LGR5: variants seen among roughly 807,000 people sequenced by gnomAD.
LGR5 encodes leucine-rich repeat-containing G protein-coupled receptor 5.
In LGR5, 54 loss-of-function variants were observed where a neutral mutation model predicts 76.7. That is an observed-to-expected ratio of 0.70 (90% CI 0.57 to 0.88). The LOEUF is 0.88. LGR5 is among the 40% of genes least tolerant of loss of function. The pLI, the probability that LGR5 is intolerant of heterozygous loss-of-function variation, is 0.00. For missense variants in LGR5, 1,078 were observed against 1,073.3 expected, an observed-to-expected ratio of 1.00 and a Z score of -0.06; for synonymous variants, 406 against 421.9, an observed-to-expected ratio of 0.96 and a Z score of 0.46.
At chr12:71,499,343 C>T (rs910581970) in intron 1 of LGR5, among the ~76,000 whole-genome samples, 9 of 151,964 alleles carry the variant, frequency 5.9e-5, no homozygotes, top group African/African-American at 1.5e-4. Context: ...TGAACTAGAT[C>T]TTGAATGGCC....
chr12:71,525,498 T>C (rs890949694), intron 3 of LGR5, among the ~76,000 whole-genome samples: 1 of 151,778 alleles, frequency 6.6e-6, no homozygotes, highest in Admixed American at 6.6e-5. Context: ...TTCAGAGTTG[T>C]AGCACCAGCT....
At chr12:71,529,759 C>T (rs181463025) in intron 3 of LGR5, among the ~76,000 whole-genome samples, 21 of 152,106 alleles carry the variant, frequency 1.4e-4, no homozygotes, top group Admixed American at 9.8e-4. Context: ...AGTTTAAGAC[C>T]AACCTGGCCA....
intron 5 of LGR5, among the ~76,000 whole-genome samples, chr12:71,555,139 C>G (rs548451559): frequency 2.4e-4 from 36 of 152,074 alleles, no homozygotes; most frequent in Middle Eastern, 3.4e-3. Context: ...TTACATAAAT[C>G]TCACCTAAAA....
chr12:71,576,002 A>T lies in LGR5; in HGVS notation c.1209-1923A>T, dbSNP rs192754406. On this transcript the variant is annotated intron_variant, in intron 13 of 17. Coordinates refer to ENST00000266674, the MANE Select transcript of LGR5 (RefSeq NM_003667.4). ...CTAACACAGGAACAGAAAACCAAAC[A>T]CTGCATGTTCTCACTTATAAGTGGG... Among the ~76,000 whole-genome samples the T allele has an allele frequency of 1.0e-3, 154 of 152,304 alleles. 6 individuals carry two copies. Among genetic ancestry groups the T allele is most frequent in the Non-Finnish European group, 6.3e-4 (43 of 68,028 alleles).
In LGR5 at chr12:71,470,880, A is replaced by T. The variant is rs11178815; in HGVS notation, c.212+30588A>T. Among the ~76,000 whole-genome samples, 5 of 152,004 alleles carry T rather than the reference A, an allele frequency of 3.3e-5. No homozygotes were observed. The South Asian group carries it at 1.0e-3, about 32-fold the overall frequency. ...AGATTAGGCACTAGGCCACCCCTCA[A>T]TGGAGCTTTTCTGCCCCATCTTACC... On this transcript the variant is annotated intron_variant, in intron 1 of 17. Coordinates refer to ENST00000266674, the MANE Select transcript of LGR5 (RefSeq NM_003667.4).
intron 16 of LGR5, chr12:71,582,201 G>A: frequency 2.5e-6 from 1 of 399,770 alleles, no homozygotes; most frequent in Non-Finnish European, 4.6e-6. Flanking sequence ...GGGAACACGA[G>A]CAGAATGAGA....
chr12:71,521,555 G>A (rs1666444768), intron 2 of LGR5, among the ~76,000 whole-genome samples: 1 of 152,188 alleles, frequency 6.6e-6, no homozygotes, highest in Admixed American at 6.5e-5. Context: ...GGTGATACAG[G>A]TGTTTCACAT....
At chr12:71,540,354 G>A (rs1295116682) in intron 4 of LGR5, among the ~76,000 whole-genome samples, 1 of 152,166 alleles carries the variant, frequency 6.6e-6, no homozygotes, top group African/African-American at 2.4e-5. Flanking sequence ...AATCGCAAAG[G>A]TAATAGGTTG....
rs575065356 is a variant in LGR5 at position 71,495,705 on chromosome 12, C to CTCA, written c.213-8909_213-8908insTCA. The stretch of plus-strand genomic sequence containing the variant: ...TTACTCAACTCTGAAATATCAAGGC[C>CTCA]AGGACTCAAACTAAGACAAAATATC... On this transcript the variant is annotated intron_variant, in intron 1 of 17. Coordinates refer to ENST00000266674, the MANE Select transcript of LGR5 (RefSeq NM_003667.4). Among the ~76,000 whole-genome samples the CTCA allele has an allele frequency of 1.4e-3, 215 of 151,016 alleles. 11 individuals carry two copies. The highest frequency in any genetic ancestry group is 4.4e-3 in the African/African-American group (179 of 40,424).
At chr12:71,511,178 G>C (rs1875137692) in intron 2 of LGR5, among the ~76,000 whole-genome samples, 1 of 152,170 alleles carries the variant, frequency 6.6e-6, no homozygotes, top group Non-Finnish European at 1.5e-5. Context: ...TAGGTGTCTG[G>C]GCGAGAAACT....
At chr12:71,460,835 T>G (rs1408408248) in intron 1 of LGR5, among the ~76,000 whole-genome samples, 1 of 152,118 alleles carries the variant, frequency 6.6e-6, no homozygotes, top group Non-Finnish European at 1.5e-5. Context: ...ACAGGGCTAG[T>G]TTTCTTACTT....
chr12:71,439,479 G>A (rs1871635717), upstream of LGR5, among the ~76,000 whole-genome samples: 1 of 152,096 alleles, frequency 6.6e-6, no homozygotes, highest in African/African-American at 2.4e-5. Flanking sequence ...TCCGAAGCAG[G>A]TCCCTCTCGA....
intron 1 of LGR5, among the ~76,000 whole-genome samples, chr12:71,500,781 A>G (rs1874563148): frequency 6.6e-6 from 1 of 152,050 alleles, no homozygotes; most frequent in African/African-American, 2.4e-5. Flanking sequence ...CATTTTTTAA[A>G]GCTCCTGGGT....
intron 5 of LGR5, 106 bp downstream of exon 5, chr12:71,553,394 G>A (rs1223668938): frequency 2.3e-6 from 2 of 862,688 alleles, no homozygotes; most frequent in East Asian, 4.9e-5. Context: ...CATTTTAAGG[G>A]AGGAAAACCT....
At chr12:71,466,968 G>A (rs760886470) in intron 1 of LGR5, among the ~76,000 whole-genome samples, 1 of 151,612 alleles carries the variant, frequency 6.6e-6, no homozygotes, top group Non-Finnish European at 1.5e-5. Flanking sequence ...ATGAATGCTT[G>A]GAGGATGAGG....
chr12:71,522,711 C>T (rs1433143204), intron 2 of LGR5, among the ~76,000 whole-genome samples: 2 of 151,876 alleles, frequency 1.3e-5, no homozygotes, highest in Admixed American at 1.3e-4. Flanking sequence ...GAATACAATA[C>T]AGTAGCTATC....
intron 13 of LGR5, among the ~76,000 whole-genome samples, chr12:71,574,500 T>A (rs74101180): frequency 0.022 from 3,410 of 152,152 alleles, 145 homozygotes; most frequent in African/African-American, 0.077. Context: ...TTCGTTTGGA[T>A]CACCATCATC....
At chr12:71,475,141 A>G (rs1873270818) in intron 1 of LGR5, among the ~76,000 whole-genome samples, 1 of 152,222 alleles carries the variant, frequency 6.6e-6, no homozygotes, top group Admixed American at 6.5e-5. Context: ...TTGACCACAA[A>G]TGAAAGAACG....
At chr12:71,442,600 G>A (rs923745982) in intron 1 of LGR5, among the ~76,000 whole-genome samples, 20 of 152,164 alleles carry the variant, frequency 1.3e-4, no homozygotes, top group African/African-American at 4.6e-4. Flanking sequence ...AAGTAAATAA[G>A]CAATGTGGTG....
Sources: gnomAD v4.1 joint callset for allele counts (sites outside exome capture counted in the v4.1 genomes callset) on GRCh38, gnomAD v4.1.1 for gene constraint, MANE v1.5 for transcripts, NCBI Gene and HGNC (gene_info 2026-07-23, HGNC 2026-07-21) for gene names.